The following SUPT3H variants were observed in gnomAD, a reference collection of about 807,000 sequenced individuals.
The protein encoded by SUPT3H is SPT3 homolog, SAGA and STAGA complex component.
Under a neutral mutation model 44.3 loss-of-function variants are expected in SUPT3H, and 44 were observed. The observed-to-expected ratio is 0.99, with a 90% CI of 0.78 to 1.28. SUPT3H has a LOEUF of 1.28. Ranked by LOEUF, SUPT3H falls within the 50% of genes most tolerant of loss-of-function variation. The pLI is 0.00. For synonymous variants in SUPT3H, 124 were observed against 125.6 expected (o/e 0.99, Z 0.09); for missense variants, 380 against 387.1 (o/e 0.98, Z 0.15).
intron 6 of SUPT3H, among the ~76,000 whole-genome samples, chr6:44,979,609 A>C (rs1428749621): frequency 6.6e-6 from 1 of 152,202 alleles, no homozygotes; most frequent in Non-Finnish European, 1.5e-5. Context: ...GTGAAAGCCC[A>C]CACAAAAGCT....
chr6:45,308,797 TAA>T (rs538056004), intron 2 of SUPT3H, among the ~76,000 whole-genome samples: 1 of 145,820 alleles, frequency 6.9e-6, no homozygotes, highest in African/African-American at 2.5e-5. Context: ...AATTCTGAAT[TAA>T]AAAAAAAAAG....
intron 11 of SUPT3H, among the ~76,000 whole-genome samples, chr6:44,814,838 G>A (rs1237848293): frequency 6.6e-6 from 1 of 152,026 alleles, no homozygotes; most frequent in African/African-American, 2.4e-5. Context: ...CACCACGCCT[G>A]GATAATTTTT....
chr6:45,338,841 A>G (rs1272751115), intron 2 of SUPT3H, among the ~76,000 whole-genome samples: 1 of 151,982 alleles, frequency 6.6e-6, no homozygotes, highest in African/African-American at 2.4e-5. Flanking sequence ...TTAAGGAGGT[A>G]CTCACTCTTG....
chr6:45,257,258 C>A (rs1478592393), intron 2 of SUPT3H, among the ~76,000 whole-genome samples: 1 of 152,066 alleles, frequency 6.6e-6, no homozygotes, highest in East Asian at 1.9e-4. Context: ...ATAAGAAAAA[C>A]TAAGGTACAG....
intron 2 of SUPT3H, among the ~76,000 whole-genome samples, chr6:45,280,043 T>C (rs1777706949): frequency 6.6e-6 from 1 of 152,190 alleles, no homozygotes; most frequent in Non-Finnish European, 1.5e-5. Flanking sequence ...TCCAATCTCT[T>C]AGCAAATTAT....
chr6:44,925,148 A>G (rs1769330886), intron 10 of SUPT3H, among the ~76,000 whole-genome samples: 2 of 152,212 alleles, frequency 1.3e-5, no homozygotes, highest in South Asian at 4.1e-4. Context: ...ATATGAAAAC[A>G]TCTCTAGTAC....
chr6:45,304,665 T>A (rs147959690), intron 2 of SUPT3H, among the ~76,000 whole-genome samples: 2,662 of 152,186 alleles, frequency 0.017, 49 homozygotes, highest in South Asian at 0.085. Context: ...ATAAAAGAAG[T>A]AGTATTCAAA....
intron 2 of SUPT3H, among the ~76,000 whole-genome samples, chr6:45,313,300 CA>C (rs1411492544): frequency 6.6e-6 from 1 of 151,450 alleles, no homozygotes; most frequent in Non-Finnish European, 1.5e-5. Context: ...CAGAACTAAA[CA>C]AAATTGAAAC....
intron 10 of SUPT3H, among the ~76,000 whole-genome samples, chr6:44,866,562 T>C (rs1775545073): frequency 6.6e-6 from 1 of 152,102 alleles, no homozygotes; most frequent in African/African-American, 2.4e-5. Context: ...AACTGTCTTC[T>C]ATACAAGCAA....
At chr6:44,930,075 C>G (rs542575930) in intron 10 of SUPT3H, among the ~76,000 whole-genome samples, 1 of 151,970 alleles carries the variant, frequency 6.6e-6, no homozygotes, top group African/African-American at 2.4e-5. Flanking sequence ...TGGCGAAGTT[C>G]TACTAAAAAT....
At position 44,847,057 on chromosome 6, in the gene SUPT3H, GT is replaced by G. The variant is rs548260925; in HGVS notation, c.913-17201del. ...GAAAACACATAAATGTGATTTTTCT[GT>G]TTTCAGTAATTGATATTAAGGATGA... On this transcript the variant is annotated intron_variant, in intron 10 of 10. Transcript: ENST00000371459. 2.6e-5 allele frequency among the ~76,000 whole-genome samples: 4 copies of G among 152,292 alleles called. No individual in the cohort carries two copies. In the South Asian group the frequency reaches 8.3e-4, roughly 32 times the overall value.
intron 2 of SUPT3H, among the ~76,000 whole-genome samples, chr6:45,138,494 C>G (rs964619517): frequency 2.6e-5 from 4 of 152,036 alleles, no homozygotes; most frequent in Non-Finnish European, 5.9e-5. Context: ...AAATATGGCA[C>G]GTCCATACAA....
chr6:45,009,707 C>G (rs942331809), intron 5 of SUPT3H, among the ~76,000 whole-genome samples: 1 of 152,156 alleles, frequency 6.6e-6, no homozygotes, highest in South Asian at 2.1e-4. Context: ...ATCGTAATTA[C>G]TGTAGCTTTA....
chr6:45,023,415 T>C (rs747506604), intron 3 of SUPT3H, among the ~76,000 whole-genome samples: 1 of 152,134 alleles, frequency 6.6e-6, no homozygotes, highest in Non-Finnish European at 1.5e-5. Context: ...GACCCAGCAA[T>C]CCTATTACTG....
At chr6:45,149,432 G>A (rs114838406) in intron 2 of SUPT3H, among the ~76,000 whole-genome samples, 1,811 of 152,242 alleles carry the variant, frequency 0.012, 17 homozygotes, top group Non-Finnish European at 0.019. Flanking sequence ...GTTAATAATG[G>A]AAATGGAATC....
chr6:45,179,606 C>A (rs1289778611), intron 2 of SUPT3H, among the ~76,000 whole-genome samples: 20 of 152,176 alleles, frequency 1.3e-4, no homozygotes, highest in Admixed American at 7.9e-4. Flanking sequence ...TCCAGCATAT[C>A]AACGGAACCA....
intron 2 of SUPT3H, among the ~76,000 whole-genome samples, chr6:45,210,085 T>C (rs1004787738): frequency 1.3e-5 from 2 of 152,108 alleles, no homozygotes; most frequent in Non-Finnish European, 2.9e-5. Flanking sequence ...GTAATTAAGG[T>C]ATGTATACTG....
At chr6:45,141,793 C>T (rs1373682644) in intron 2 of SUPT3H, among the ~76,000 whole-genome samples, 1 of 152,054 alleles carries the variant, frequency 6.6e-6, no homozygotes, top group Non-Finnish European at 1.5e-5. Flanking sequence ...ATTGGTGTTC[C>T]TGAGGAAGAA....
Position 45,324,901 on chromosome 6 carries a change from C to A in SUPT3H, c.101+40300G>T, listed in dbSNP as rs77691020. Among the ~76,000 whole-genome samples, 328 of 151,914 alleles carry A rather than the reference C, an allele frequency of 2.2e-3. 1 individual carries two copies. The highest frequency in any genetic ancestry group is 7.4e-3 in the African/African-American group (307 of 41,466). ...CAGTTGTGTACATAAACATATACCC[C>A]ATTAAACAAGGAAATGGAATACTGC... On this transcript the variant is annotated intron_variant, in intron 2 of 10. Transcript: ENST00000371459.
Sources: gnomAD v4.1 joint callset for allele counts (sites outside exome capture counted in the v4.1 genomes callset) on GRCh38, gnomAD v4.1.1 for gene constraint, MANE v1.5 for transcripts, NCBI Gene and HGNC (gene_info 2026-07-23, HGNC 2026-07-21) for gene names.